UBXN10: variants seen among roughly 807,000 people sequenced by gnomAD.
The protein encoded by UBXN10 is UBX domain-containing protein 10.
Under a neutral mutation model 6.9 loss-of-function variants are expected in UBXN10, and 6 were observed. The observed-to-expected ratio is 0.87, with a 90% CI of 0.48 to 1.72. The LOEUF is 1.72. Ranked by LOEUF, UBXN10 falls within the 40% of genes most tolerant of loss-of-function variation. The pLI, the probability that UBXN10 is intolerant of heterozygous loss-of-function variation, is 0.01. For synonymous variants in UBXN10, 131 were observed against 135.2 expected (o/e 0.97, Z 0.21); for missense variants, 317 against 348.4 (o/e 0.91, Z 0.72).
chr1:20,183,528 A>G (rs539644523), upstream of UBXN10, among the ~76,000 whole-genome samples: 5 of 152,334 alleles, frequency 3.3e-5, no homozygotes, highest in African/African-American at 1.2e-4. Flanking sequence ...AAGGAGGGCT[A>G]TGATGCCTCC....
chr1:20,191,058 G>A lies in UBXN10; in HGVS notation c.497G>A (p.Arg166Gln), dbSNP rs780274676. Residue 166 changes from arginine to glutamine, a missense_variant, in exon 2 of 2, where the codon CGA (arginine) becomes CAA (glutamine). By Grantham distance (43) the Arg-to-Gln change is conservative. Coordinates refer to ENST00000375099, the MANE Select transcript of UBXN10 (RefSeq NM_152376.5). This position sits in a 1 kb window ranked among gnomAD's most constrained non-coding sequence, Gnocchi z 4.5. ...ACAAGTGAAGAAGATTCCAGAGCTCGAGCTTGTGCCGTGGAGAGGAAATTC... is the reference window on the plus strand; with the variant it reads ...ACAAGTGAAGAAGATTCCAGAGCTCAAGCTTGTGCCGTGGAGAGGAAATTC... ...MKTSEEDSRA[R>Q]ACAVERKFIV... 4.3e-6 allele frequency: 7 copies of A among 1,614,114 alleles called. No homozygotes were observed. The highest frequency in any genetic ancestry group is 2.2e-5 in the East Asian group (1 of 44,874).
chr1:20,183,606 T>A (rs2018311752), upstream of UBXN10, among the ~76,000 whole-genome samples: 1 of 152,252 alleles, frequency 6.6e-6, no homozygotes, highest in Admixed American at 6.5e-5. Flanking sequence ...CTTGGGCATG[T>A]TCCACTGGAC....
At position 20,194,649 on chromosome 1, in the gene UBXN10, G is replaced by A. The variant is rs1331993287; in HGVS notation, c.*3245G>A. 3.6e-5 allele frequency: 6 copies of A among 167,160 alleles called. No individual in the cohort carries two copies. Among genetic ancestry groups the A allele is most frequent in the East Asian group, 1.9e-4 (1 of 5,196 alleles). The allele number at this position is 167,160 out of a possible 1,614,324, so 10.4% of individuals were successfully genotyped here. Reference sequence around the variant, plus strand: ...GCTTTTGTTCATGCTCTTACCTGCCGTTTTAAATGGGTTTCTAATGTCAAA... The same window carrying A: ...GCTTTTGTTCATGCTCTTACCTGCCATTTTAAATGGGTTTCTAATGTCAAA... On this transcript the variant is annotated 3_prime_UTR_variant, in exon 2 of 2. Transcript: ENST00000375099.
At chr1:20,184,179 G>A (rs1024848709), upstream of UBXN10, 4 of 133,938 alleles carry the variant, frequency 3.0e-5, no homozygotes, top group Non-Finnish European at 6.2e-5. Flanking sequence ...TGGCAAAGGC[G>A]CGCGTGCGTG....
chr1:20,190,598 G>A lies in UBXN10; in HGVS notation c.37G>A (p.Glu13Lys). The A allele has an allele frequency of 3.1e-6, 5 of 1,614,178 alleles. No homozygotes were observed. The highest frequency in any genetic ancestry group is 4.2e-6 in the Non-Finnish European group (5 of 1,180,036). ...TEAPVNIAPP[E>K]CSTVVSTAVD... is the part of the protein sequence containing the mutation. ...AGCCCCTGTGAATATAGCACCACCTGAGTGTAGCACTGTTGTCAGCACAGC... is the reference window on the plus strand; with the variant it reads ...AGCCCCTGTGAATATAGCACCACCTAAGTGTAGCACTGTTGTCAGCACAGC... Residue 13 changes from glutamate (E) to lysine (K), a missense_variant, in exon 2 of 2, where the codon GAG becomes AAG. Physicochemically the swap from Glu to Lys is moderately conservative, Grantham distance 56. Coordinates refer to ENST00000375099, the MANE Select transcript of UBXN10 (RefSeq NM_152376.5).
Position 20,194,608 on chromosome 1 carries a change from C to G in UBXN10, c.*3204C>G, listed in dbSNP as rs965678666. 6.0e-6 allele frequency: 1 copy of G among 167,030 alleles called. No individual in the cohort carries two copies. Among genetic ancestry groups the G allele is most frequent in the Non-Finnish European group, 1.5e-5 (1 of 68,114 alleles). 10.3% of individuals were successfully genotyped at this position (167,030 alleles called of 1,614,324 possible). ...CACCTGCATTACAAAAGCAGGCATT[C>G]GAGGAACTAAACTTTGCTTTTGTTC... On this transcript the variant is annotated 3_prime_UTR_variant, in exon 2 of 2. Transcript: ENST00000375099.
chr1:20,185,214 G>A (rs1272213140), upstream of UBXN10, among the ~76,000 whole-genome samples: 1 of 152,180 alleles, frequency 6.6e-6, no homozygotes, highest in Non-Finnish European at 1.5e-5. Context: ...GCAGGGCTGA[G>A]AGTCTAACTG....
intron 1 of UBXN10, among the ~76,000 whole-genome samples, chr1:20,189,727 C>CAAAAAAGAAAAAGA (rs368047678): frequency 3.3e-5 from 5 of 150,344 alleles, no homozygotes; most frequent in Admixed American, 6.6e-5. Context: ...GACTCTGTCT[C>CAAAAAAGAAAAAGA]AAAAAAGAAA....
rs542983737 is a variant in UBXN10 at position 20,190,663 on chromosome 1, G to GCACATGATAAGGCCCAAGTCC, written c.103_123dup (p.His35_Ser41dup). ...TTTGGCAGCCAAACTCACTAAATAT[G>GCACATGATAAGGCCCAAGTCC]CACATGATAAGGCCCAAGTCCGCCA... On this transcript the variant is annotated inframe_insertion, in exon 2 of 2. Coordinates refer to ENST00000375099, the MANE Select transcript of UBXN10 (RefSeq NM_152376.5). 7.1e-4 allele frequency: 1,146 copies of GCACATGATAAGGCCCAAGTCC among 1,614,180 alleles called. 15 individuals carry two copies. The East Asian group carries it at 0.02, about 28-fold the overall frequency.
In UBXN10 at chr1:20,190,822, T is replaced by G; in HGVS notation, c.261T>G (p.Ser87=). 6.2e-7 allele frequency: 1 copy of G among 1,613,766 alleles called. No homozygotes were observed. Among genetic ancestry groups the G allele is most frequent in the Non-Finnish European group, 8.5e-7 (1 of 1,180,006 alleles). ...AACCAGGAGCCTGTGCACCCAAATC[T>G]CCAAACCAGGGAGCTTCTGATGAGA... ...SQKPGACAPK[S]PNQGASDEIP... Residue 87 remains serine (S), a synonymous_variant, in exon 2 of 2, where the codon TCT becomes TCG. Coordinates refer to ENST00000375099, the MANE Select transcript of UBXN10 (RefSeq NM_152376.5).
At chr1:20,190,222 C>G (rs1018200827) in intron 1 of UBXN10, among the ~76,000 whole-genome samples, 2 of 151,844 alleles carry the variant, frequency 1.3e-5, no homozygotes, top group Admixed American at 6.6e-5. Flanking sequence ...AGAATTAGTC[C>G]CCCACCTTAA....
rs752305088 is a variant in UBXN10 at position 20,190,957 on chromosome 1, C to T, written c.396C>T (p.Thr132=). ...RKNLEEEAVE[T]VAKKASSLQL... Reference sequence around the variant, plus strand: ...ACCTGGAGGAGGAGGCTGTGGAAACCGTTGCCAAAAAGGCCAGCTCACTGC... The same window carrying T: ...ACCTGGAGGAGGAGGCTGTGGAAACTGTTGCCAAAAAGGCCAGCTCACTGC... Residue 132 remains threonine (T), a synonymous_variant, in exon 2 of 2, where the codon ACC becomes ACT. Coordinates refer to ENST00000375099, the MANE Select transcript of UBXN10 (RefSeq NM_152376.5). The T allele has an allele frequency of 8.1e-6, 13 of 1,614,118 alleles. No homozygotes were observed. The highest frequency in any genetic ancestry group is 6.6e-5 in the South Asian group (6 of 91,076).
Position 20,192,276 on chromosome 1 carries a change from TG to T in UBXN10, c.*877del, listed in dbSNP as rs2018518284. On this transcript the variant is annotated 3_prime_UTR_variant, in exon 2 of 2. Coordinates refer to ENST00000375099, the MANE Select transcript of UBXN10 (RefSeq NM_152376.5). ...GTACTGACAACCTCCTTGGCTTATT[TG>T]GGGGTGGAGCAATTGTTTTATTCCC... 1 of 167,106 alleles carries T rather than the reference TG, an allele frequency of 6.0e-6. No homozygotes were observed. Among genetic ancestry groups the T allele is most frequent in the Non-Finnish European group, 1.5e-5 (1 of 68,124 alleles). The allele number at this position is 167,106 out of a possible 1,614,324, so 10.4% of individuals were successfully genotyped here. A position where few individuals can be genotyped will look rare whatever the true frequency, so the allele number is the denominator to read the frequency against.
intron 1 of UBXN10, chr1:20,186,502 A>T (rs2018396153): frequency 6.6e-6 from 1 of 152,350 alleles, no homozygotes; most frequent in African/African-American, 2.4e-5. Flanking sequence ...CCGGCAGGGC[A>T]GAGACGAGAA....
At chr1:20,185,063 G>T (rs965034735), upstream of UBXN10, among the ~76,000 whole-genome samples, 16 of 152,134 alleles carry the variant, frequency 1.1e-4, no homozygotes, top group African/African-American at 2.9e-4. Flanking sequence ...CTGAGCTGGG[G>T]AGGTCCAGGC....
In UBXN10 at chr1:20,191,593, T is replaced by C. The variant is rs559512022; in HGVS notation, c.*189T>C. On this transcript the variant is annotated 3_prime_UTR_variant, in exon 2 of 2. Transcript: ENST00000375099. The surrounding 1 kb of genome is among the most constrained non-coding windows in gnomAD (Gnocchi z 4.5). ...TGCCTATGCCGAGCGCGCTAAGAAG[T>C]CTCCCTTCCAGCTGTTCCATTCTCT... 7 of 842,000 alleles carry C rather than the reference T, an allele frequency of 8.3e-6. No homozygotes were observed. The highest frequency in any genetic ancestry group is 1.1e-5 in the Non-Finnish European group (6 of 562,262). 52.2% of individuals were successfully genotyped at this position (842,000 alleles called of 1,614,324 possible).
At chr1:20,189,579 G>T (rs935343423) in intron 1 of UBXN10, among the ~76,000 whole-genome samples, 7 of 152,052 alleles carry the variant, frequency 4.6e-5, no homozygotes, top group Non-Finnish European at 1.0e-4. Flanking sequence ...AGGCCCCAGG[G>T]TGCCTATCGG....
chr1:20,188,903 CA>C (rs1296220042), intron 1 of UBXN10, among the ~76,000 whole-genome samples: 1 of 152,110 alleles, frequency 6.6e-6, no homozygotes, highest in Non-Finnish European at 1.5e-5. Context: ...ACGACGACAA[CA>C]AAAAACGCTT....
Position 20,194,931 on chromosome 1 carries a change from G to C in UBXN10, c.*3527G>C, listed in dbSNP as rs1203683677. On this transcript the variant is annotated 3_prime_UTR_variant, in exon 2 of 2. Coordinates refer to ENST00000375099, the MANE Select transcript of UBXN10 (RefSeq NM_152376.5). ...CCCCACAGTAAAGTTAAAAGTTCAC[G>C]AGCCTATTGACTCTCATCCAGAAAC... The C allele has an allele frequency of 6.0e-6, 1 of 167,044 alleles. No homozygotes were observed. The highest frequency in any genetic ancestry group is 1.5e-5 in the Non-Finnish European group (1 of 68,118). The allele number at this position is 167,044 out of a possible 1,614,324, so 10.3% of individuals were successfully genotyped here.
Sources: gnomAD v4.1 joint callset for allele counts (sites outside exome capture counted in the v4.1 genomes callset) on GRCh38, gnomAD v4.1.1 for gene constraint, Gnocchi (gnomAD v3.1) non-coding constraint, MANE v1.5 for transcripts, NCBI Gene and HGNC (gene_info 2026-07-23, HGNC 2026-07-21) for gene names.